The following HMGA2 variants were observed in gnomAD, a reference collection of about 807,000 sequenced individuals.
HMGA2 encodes the protein high mobility group AT-hook 2.
In HMGA2, 8 loss-of-function variants were observed where a neutral mutation model predicts 19.1. The ratio of observed to expected loss-of-function variants is 0.42; its 90% CI spans 0.25 to 0.76. HMGA2 has a LOEUF of 0.76. HMGA2 is among the 30% of genes least tolerant of loss of function. The pLI is 0.28. For missense variants in HMGA2, 109 were observed against 136.3 expected (o/e 0.80, Z 1.00); for synonymous variants, 60 against 48.8 (o/e 1.23, Z -0.96).
chr12:65,955,586 C>CT (rs1876582822), intron 4 of HMGA2: 1 of 152,198 alleles, frequency 6.6e-6, no homozygotes, highest in Non-Finnish European at 1.5e-5. Flanking sequence ...GCTCTCCACC[C>CT]TTTCAATCCA....
chr12:65,913,217 A>G (rs1874920423), intron 3 of HMGA2, among the ~76,000 whole-genome samples: 1 of 151,934 alleles, frequency 6.6e-6, no homozygotes, highest in African/African-American at 2.4e-5. Context: ...TCCTTCTGCC[A>G]TTTTGTACCA....
intron 2 of HMGA2, among the ~76,000 whole-genome samples, chr12:65,829,936 G>A (rs570632809): frequency 2.6e-4 from 39 of 151,874 alleles, no homozygotes; most frequent in Admixed American, 4.6e-4. Context: ...ACCCCCCTAC[G>A]CCGCTCATCT....
intron 4 of HMGA2, among the ~76,000 whole-genome samples, chr12:65,961,586 G>T (rs886532220): frequency 6.6e-6 from 1 of 152,178 alleles, no homozygotes; most frequent in Non-Finnish European, 1.5e-5. Flanking sequence ...TGCTGCCGTG[G>T]TTATATTTTT....
intron 3 of HMGA2, among the ~76,000 whole-genome samples, chr12:65,941,839 C>G (rs1876100421): frequency 6.6e-6 from 1 of 152,178 alleles, no homozygotes; most frequent in Non-Finnish European, 1.5e-5. Context: ...TTCTAAATCT[C>G]TTTAGTCAGA....
At chr12:65,940,895 G>C (rs1346696849) in intron 3 of HMGA2, among the ~76,000 whole-genome samples, 3 of 152,142 alleles carry the variant, frequency 2.0e-5, no homozygotes, top group Non-Finnish European at 4.4e-5. Flanking sequence ...CAAACTATGT[G>C]TCACTGTTAT....
chr12:65,836,344 G>T (rs959585918), intron 2 of HMGA2, among the ~76,000 whole-genome samples: 2 of 149,804 alleles, frequency 1.3e-5, no homozygotes, highest in Non-Finnish European at 2.9e-5. Flanking sequence ...GGGCGACAGA[G>T]CGAGACTCCG....
At position 65,932,577 on chromosome 12, in the gene HMGA2, T is replaced by G. The variant is rs1054007942; in HGVS notation, c.250-18806T>G. Among the ~76,000 whole-genome samples the G allele has an allele frequency of 2.6e-5, 4 of 152,222 alleles. No individual in the cohort carries two copies. The East Asian group carries it at 7.7e-4, about 29-fold the overall frequency. ...TTCAATGGATAGTTAAAAGGATAGT[T>G]TCAATTCTATAAACCTTAATTTGGG... On this transcript the variant is annotated intron_variant, in intron 3 of 4. Transcript: ENST00000403681.
intron 3 of HMGA2, among the ~76,000 whole-genome samples, chr12:65,900,980 T>C (rs550828174): frequency 1.3e-5 from 2 of 152,250 alleles, no homozygotes; most frequent in Non-Finnish European, 2.9e-5. Flanking sequence ...TTTACTATTA[T>C]TTATGCTCTT....
chr12:65,951,209 G>A (rs754521640), intron 3 of HMGA2, among the ~76,000 whole-genome samples, 174 bp from the exon 4 acceptor site: 19 of 152,126 alleles, frequency 1.2e-4, no homozygotes, highest in Non-Finnish European at 2.1e-4. Flanking sequence ...GATTATAAGC[G>A]TGAGCCACCA....
At chr12:65,871,737 G>A (rs980460983) in intron 3 of HMGA2, among the ~76,000 whole-genome samples, 1 of 152,170 alleles carries the variant, frequency 6.6e-6, no homozygotes, top group African/African-American at 2.4e-5. Context: ...CAGATGCACA[G>A]AACAATGTCA....
intron 3 of HMGA2, among the ~76,000 whole-genome samples, chr12:65,865,137 A>G (rs1042170984): frequency 6.6e-6 from 1 of 152,190 alleles, no homozygotes; most frequent in African/African-American, 2.4e-5. Flanking sequence ...ATTTTTTTGT[A>G]GTTTACATGT....
chr12:65,932,744 A>T (rs1875759992), intron 3 of HMGA2, among the ~76,000 whole-genome samples: 1 of 152,154 alleles, frequency 6.6e-6, no homozygotes, highest in African/African-American at 2.4e-5. Context: ...ATTTTTAATC[A>T]TTGGCCACTT....
chr12:65,833,882 T>C (rs1444211551), intron 2 of HMGA2, among the ~76,000 whole-genome samples: 1 of 152,062 alleles, frequency 6.6e-6, no homozygotes, highest in East Asian at 1.9e-4. Flanking sequence ...ACTAAGAAAA[T>C]TGGTAAGTAT....
At chr12:65,874,049 G>A (rs1872847294) in intron 3 of HMGA2, 1 of 152,170 alleles carries the variant, frequency 6.6e-6, no homozygotes, top group African/African-American at 2.4e-5. Context: ...TCTGCTGAAT[G>A]AGTGGACAAT....
chr12:65,859,897 A>C, intron 3 of HMGA2: 1 of 238,512 alleles, frequency 4.2e-6, no homozygotes, highest in Non-Finnish European at 8.9e-6. Context: ...CAGCCTGGGC[A>C]ATATAGTAAT....
intron 3 of HMGA2, chr12:65,915,141 G>C: frequency 1.9e-6 from 3 of 1,613,436 alleles, no homozygotes; most frequent in Non-Finnish European, 2.5e-6. Flanking sequence ...ATTGTCATTG[G>C]AGGAGTCCAG....
intron 4 of HMGA2, chr12:65,957,035 A>G (rs1194480701): frequency 6.6e-6 from 1 of 152,232 alleles, no homozygotes; most frequent in Non-Finnish European, 1.5e-5. Context: ...TCAGATGTCT[A>G]CAGAGAAATT....
chr12:65,891,405 CAAT>C lies in HMGA2; in HGVS notation c.249+52841_249+52843del, dbSNP rs553683308. The stretch of plus-strand genomic sequence containing the variant: ...AGTAGTGATTCATGATGTTGAACTA[CAAT>C]AATATTTTCCTCCACACACTCTCCC... On this transcript the variant is annotated intron_variant, in intron 3 of 4. Coordinates refer to ENST00000403681, the MANE Select transcript of HMGA2 (RefSeq NM_003483.6). Among the ~76,000 whole-genome samples, 13 of 152,254 alleles carry C rather than the reference CAAT, an allele frequency of 8.5e-5. No individual in the cohort carries two copies. The East Asian group carries it at 2.5e-3, about 29-fold the overall frequency.
intron 3 of HMGA2, among the ~76,000 whole-genome samples, chr12:65,919,793 T>C (rs1875237655): frequency 1.3e-5 from 2 of 152,254 alleles, no homozygotes; most frequent in South Asian, 2.1e-4. Context: ...TTTCACCAGA[T>C]GGTGTTCAGA....
Sources: gnomAD v4.1 joint callset for allele counts (sites outside exome capture counted in the v4.1 genomes callset) on GRCh38, gnomAD v4.1.1 for gene constraint, MANE v1.5 for transcripts, NCBI Gene and HGNC (gene_info 2026-07-23, HGNC 2026-07-21) for gene names.